The following HMGCLL1 variants were observed in gnomAD, a reference collection of about 807,000 sequenced individuals.
The protein encoded by HMGCLL1 is 3-hydroxymethyl-3-methylglutaryl-CoA lyase, cytoplasmic.
HMGCLL1 carries 36 observed loss-of-function variants against 39.1 expected under a neutral mutation model. The ratio of observed to expected loss-of-function variants is 0.92; its 90% CI spans 0.71 to 1.22. The LOEUF (loss-of-function observed/expected upper bound fraction) is 1.22, where lower values mean the gene tolerates loss of function less well. HMGCLL1 is among the 50% of genes most tolerant of loss of function. HMGCLL1 has a pLI of 0.00. For synonymous variants in HMGCLL1, 149 were observed against 144.0 expected, an observed-to-expected ratio of 1.03 and a Z score of -0.25; for missense variants, 451 against 416.5, an observed-to-expected ratio of 1.08 and a Z score of -0.72.
At chr6:55,506,029 A>T (rs1330169235) in intron 5 of HMGCLL1, among the ~76,000 whole-genome samples, 1 of 151,730 alleles carries the variant, frequency 6.6e-6, no homozygotes, top group Non-Finnish European at 1.5e-5. Flanking sequence ...GAATACAAAT[A>T]GAGTAAACTG....
chr6:55,462,932 G>A (rs183711477), intron 7 of HMGCLL1, among the ~76,000 whole-genome samples: 111 of 152,116 alleles, frequency 7.3e-4, no homozygotes, highest in Non-Finnish European at 1.4e-3. Flanking sequence ...AAAGGTACAA[G>A]GAATCGCCCC....
chr6:55,608,644 G>GA, the HMGCLL1 span, among the ~76,000 whole-genome samples: 5,354 of 152,120 alleles, frequency 0.035, 143 homozygotes, highest in Middle Eastern at 0.058. Flanking sequence ...TGAAAATTAA[G>GA]AAAAAAGAAC....
chr6:55,512,570 T>C (rs2127435251), intron 5 of HMGCLL1: 1 of 152,230 alleles, frequency 6.6e-6, no homozygotes, highest in East Asian at 1.9e-4. Context: ...TTTTAGAAAC[T>C]CATGTAGACT....
At chr6:55,447,270 T>C (rs1763896230) in intron 7 of HMGCLL1, among the ~76,000 whole-genome samples, 1 of 152,030 alleles carries the variant, frequency 6.6e-6, no homozygotes, top group East Asian at 1.9e-4. Context: ...GAACATAATA[T>C]ACGTGATAGG....
At chr6:55,625,488 G>T in the HMGCLL1 span, among the ~76,000 whole-genome samples, 1 of 152,078 alleles carries the variant, frequency 6.6e-6, no homozygotes, top group Non-Finnish European at 1.5e-5. Flanking sequence ...GACAGAGGAA[G>T]AGAAGACTAG....
intron 7 of HMGCLL1, among the ~76,000 whole-genome samples, chr6:55,491,027 T>C (rs1158055480): frequency 6.6e-6 from 1 of 152,098 alleles, no homozygotes. Flanking sequence ...AATCCAACAG[T>C]CCAACCACAT....
At chr6:55,455,513 C>T (rs4339457) in intron 7 of HMGCLL1, among the ~76,000 whole-genome samples, 19,869 of 152,082 alleles carry the variant, frequency 0.13, 1,592 homozygotes, top group Non-Finnish European at 0.18. Flanking sequence ...AGAAAACTCG[C>T]ATGTCTAGAA....
chr6:55,557,847 T>C (rs570076821), intron 1 of HMGCLL1, among the ~76,000 whole-genome samples: 1 of 151,208 alleles, frequency 6.6e-6, no homozygotes, highest in East Asian at 1.9e-4. Flanking sequence ...GTGCCCGTAC[T>C]GTACTTAAAA....
At chr6:55,605,501 G>A in the HMGCLL1 span, among the ~76,000 whole-genome samples, 5 of 152,020 alleles carry the variant, frequency 3.3e-5, no homozygotes, top group African/African-American at 1.2e-4. Flanking sequence ...AAACATCCTT[G>A]TAATATATTT....
the HMGCLL1 span, among the ~76,000 whole-genome samples, chr6:55,597,651 A>G: frequency 6.6e-6 from 1 of 152,164 alleles, no homozygotes; most frequent in South Asian, 2.1e-4. Flanking sequence ...GGGATGGTAG[A>G]AAGGAACTAC....
chr6:55,477,806 T>C (rs1306207576), intron 7 of HMGCLL1, among the ~76,000 whole-genome samples: 1 of 150,514 alleles, frequency 6.6e-6, no homozygotes, highest in East Asian at 1.9e-4. Context: ...ATTAGTAAAT[T>C]TGGTTTACTG....
chr6:55,577,881 G>C (rs1272112008), intron 1 of HMGCLL1, among the ~76,000 whole-genome samples: 1 of 152,186 alleles, frequency 6.6e-6, no homozygotes, highest in African/African-American at 2.4e-5. Flanking sequence ...CAGGTTTTGA[G>C]TTAGATGACC....
At chr6:55,477,247 A>ATTAT (rs1765398480) in intron 7 of HMGCLL1, among the ~76,000 whole-genome samples, 1 of 17,890 alleles carries the variant, frequency 5.6e-5, no homozygotes, top group Admixed American at 9.3e-4. Context: ...ATATTTATAT[A>ATTAT]ATATATAATA....
chr6:55,623,576 A>G, the HMGCLL1 span, among the ~76,000 whole-genome samples: 1 of 151,590 alleles, frequency 6.6e-6, no homozygotes, highest in Non-Finnish European at 1.5e-5. Context: ...ACACACCACA[A>G]TGGAGCACCC....
At chr6:55,626,635 G>A in the HMGCLL1 span, among the ~76,000 whole-genome samples, 1 of 152,036 alleles carries the variant, frequency 6.6e-6, no homozygotes, top group African/African-American at 2.4e-5. Context: ...ACCATCACCC[G>A]TAGTGATCCA....
the HMGCLL1 span, among the ~76,000 whole-genome samples, chr6:55,653,321 A>G: frequency 1.3e-5 from 2 of 152,086 alleles, no homozygotes; most frequent in Non-Finnish European, 2.9e-5. Context: ...GACAAGAGCA[A>G]ACACAGAAAT....
intron 1 of HMGCLL1, among the ~76,000 whole-genome samples, chr6:55,549,105 A>C (rs912851767): frequency 2.0e-5 from 3 of 150,812 alleles, no homozygotes; most frequent in Admixed American, 6.7e-5. Flanking sequence ...AAACAAAATA[A>C]ACTATGAAAA....
intron 1 of HMGCLL1, among the ~76,000 whole-genome samples, chr6:55,554,747 C>A (rs1371943147): frequency 6.6e-6 from 1 of 152,022 alleles, no homozygotes; most frequent in Non-Finnish European, 1.5e-5. Flanking sequence ...TCCTCCTTGC[C>A]CAGGTCTAAG....
intron 7 of HMGCLL1, among the ~76,000 whole-genome samples, chr6:55,457,024 C>G (rs1029015475): frequency 2.0e-5 from 3 of 152,186 alleles, no homozygotes; most frequent in African/African-American, 7.2e-5. Flanking sequence ...CTGCTAACCT[C>G]TGGGATGCTT....
Sources: allele counts gnomAD v4.1 joint callset (sites outside exome capture counted in the v4.1 genomes callset), GRCh38; gene constraint gnomAD v4.1.1; transcripts MANE v1.5; gene names NCBI Gene and HGNC (gene_info 2026-07-23, HGNC 2026-07-21).